The following LHCGR variants were observed in gnomAD, a reference collection of about 807,000 sequenced individuals.
The protein encoded by LHCGR is luteinizing hormone/choriogonadotropin receptor.
A neutral mutation model predicts 60.7 loss-of-function variants in LHCGR; 55 were observed. The ratio of observed to expected loss-of-function variants is 0.91; its 90% CI spans 0.73 to 1.13. The LOEUF (loss-of-function observed/expected upper bound fraction) is 1.13. Ranked by LOEUF, LHCGR falls within the 50% of genes most tolerant of loss-of-function variation. The pLI is 0.00. For missense variants in LHCGR, 862 were observed against 836.0 expected (o/e 1.03, Z -0.38); for synonymous variants, 337 against 316.5 (o/e 1.06, Z -0.69).
chr2:48,694,096 C>T lies in LHCGR; in HGVS notation c.947+128G>A, dbSNP rs547911459. The T allele has an allele frequency of 6.8e-4, 465 of 686,474 alleles. 5 individuals are homozygous for T. The highest frequency in any genetic ancestry group is 3.1e-3 in the South Asian group (190 of 60,900). 42.5% of individuals were successfully genotyped at this position (686,474 alleles called of 1,614,324 possible). A position where few individuals can be genotyped will look rare whatever the true frequency, so the allele number is the denominator to read the frequency against. On this transcript the variant is annotated intron_variant, in intron 10 of 10. Coordinates refer to ENST00000294954, the MANE Select transcript of LHCGR (RefSeq NM_000233.4). Reference sequence around the variant, plus strand: ...CAAAGAAAAAATTCCCATTTTAAAACTATTAAAAGTTGCTTTGCAACAGCT... The same window carrying T: ...CAAAGAAAAAATTCCCATTTTAAAATTATTAAAAGTTGCTTTGCAACAGCT...
intron 1 of LHCGR, among the ~76,000 whole-genome samples, chr2:48,752,997 T>A (rs960537848): frequency 5.4e-5 from 1 of 18,436 alleles, no homozygotes; most frequent in Non-Finnish European, 9.8e-5. Context: ...GGGGGGGGGG[T>A]GGGGAAGGGA....
intron 1 of LHCGR, 101 bp downstream of exon 1, chr2:48,755,410 C>T (rs1670161703): frequency 5.2e-6 from 4 of 772,122 alleles, no homozygotes; most frequent in Non-Finnish European, 8.2e-6. Flanking sequence ...TTTCTCCAAG[C>T]TTCCAGGGAA....
chr2:48,698,502 C>G (rs1667234171), intron 9 of LHCGR, 113 bp downstream of exon 9: 1 of 819,412 alleles, frequency 1.2e-6, no homozygotes, highest in Non-Finnish European at 2.1e-6. Context: ...GTCTACGGAG[C>G]TGGCCAAGAA....
At chr2:48,701,826 A>G (rs1234882305) in intron 8 of LHCGR, among the ~76,000 whole-genome samples, 1 of 152,252 alleles carries the variant, frequency 6.6e-6, no homozygotes, top group Non-Finnish European at 1.5e-5. Context: ...TAAACGGATG[A>G]ATAAACAAAC....
intron 2 of LHCGR, among the ~76,000 whole-genome samples, chr2:48,729,543 C>G (rs1668896460): frequency 6.6e-6 from 1 of 152,162 alleles, no homozygotes; most frequent in African/African-American, 2.4e-5. Context: ...TTGAGAAAAT[C>G]TAGTCAGATT....
intron 1 of LHCGR, among the ~76,000 whole-genome samples, chr2:48,732,724 G>A (rs554465424): frequency 6.6e-6 from 1 of 152,188 alleles, no homozygotes; most frequent in Admixed American, 6.5e-5. Flanking sequence ...GAGGAAGCAT[G>A]TCACATTCGC....
At position 48,688,530 on chromosome 2, in the gene LHCGR, T is replaced by C. The variant is rs1267084506; in HGVS notation, c.1267A>G (p.Lys423Glu). The change falls in exon 11 of 11, where the codon AAG (lysine) becomes GAG (glutamate). Residue 423 changes from lysine (K) to glutamate (E), a missense_variant. Coordinates refer to ENST00000294954, the MANE Select transcript of LHCGR (RefSeq NM_000233.4). This position sits in a 1 kb window ranked among gnomAD's most constrained non-coding sequence, Gnocchi z 5.2. ...LLIASVDSQTKGQYYNHAIDW... is the reference protein window; with the variant it reads ...LLIASVDSQTEGQYYNHAIDW... ...ATGGCATGGTTATAGTACTGGCCCT[T>C]GGTTTGGGAATCAACTGAGGCTATG... The C allele has an allele frequency of 6.2e-7, 1 of 1,614,134 alleles. No homozygotes were observed. Among genetic ancestry groups the C allele is most frequent in the South Asian group, 1.1e-5 (1 of 91,076 alleles).
chr2:48,748,133 C>A (rs1400778269), intron 1 of LHCGR, among the ~76,000 whole-genome samples: 3 of 152,174 alleles, frequency 2.0e-5, no homozygotes, highest in Non-Finnish European at 4.4e-5. Flanking sequence ...TGTTTATAAC[C>A]TTTATCTAGC....
intron 3 of LHCGR, among the ~76,000 whole-genome samples, chr2:48,725,992 G>A (rs1198925831): frequency 6.6e-6 from 1 of 152,114 alleles, no homozygotes; most frequent in Non-Finnish European, 1.5e-5. Context: ...AAGGATCAGA[G>A]CAGGGAGTCT....
chr2:48,752,764 G>A (rs1465892372), intron 1 of LHCGR, among the ~76,000 whole-genome samples: 1 of 151,700 alleles, frequency 6.6e-6, no homozygotes, highest in Non-Finnish European at 1.5e-5. Flanking sequence ...CATGTTGTTA[G>A]ACTGATGCTC....
At chr2:48,704,906 C>A (rs892219956) in intron 8 of LHCGR, among the ~76,000 whole-genome samples, 16 of 152,184 alleles carry the variant, frequency 1.1e-4, no homozygotes, top group Admixed American at 3.3e-4. Context: ...CTGCTCTGAT[C>A]CTAGTTATTT....
chr2:48,694,670 T>C (rs966148313), intron 9 of LHCGR, among the ~76,000 whole-genome samples: 2 of 152,196 alleles, frequency 1.3e-5, no homozygotes, highest in African/African-American at 4.8e-5. Flanking sequence ...CCTTAACAAA[T>C]AGTCATTCTG....
chr2:48,695,475 C>T (rs1667071009), intron 9 of LHCGR, among the ~76,000 whole-genome samples: 1 of 152,086 alleles, frequency 6.6e-6, no homozygotes, highest in Admixed American at 6.6e-5. Context: ...TTAGTTCATC[C>T]ACTGTGGAAA....
intron 1 of LHCGR, among the ~76,000 whole-genome samples, chr2:48,738,537 C>T (rs1669298136): frequency 6.6e-6 from 1 of 152,196 alleles, no homozygotes. Context: ...CCCCCTCAGC[C>T]AACCTATCTA....
chr2:48,739,217 C>A (rs1669328370), intron 1 of LHCGR, among the ~76,000 whole-genome samples: 1 of 152,314 alleles, frequency 6.6e-6, no homozygotes, highest in South Asian at 2.1e-4. Flanking sequence ...GTTGGTGGGA[C>A]TGTGAACTAG....
At position 48,747,611 on chromosome 2, in the gene LHCGR, T is replaced by C. The variant is rs138892693; in HGVS notation, c.161+7900A>G. Reference sequence around the variant, plus strand: ...GTCAGTCAGATTCTCTTTTTGGGAATTGGAAATTTATAAAAGAGGGACAGA... The same window carrying C: ...GTCAGTCAGATTCTCTTTTTGGGAACTGGAAATTTATAAAAGAGGGACAGA... On this transcript the variant is annotated intron_variant, in intron 1 of 10. Coordinates refer to ENST00000294954, the MANE Select transcript of LHCGR (RefSeq NM_000233.4). Among the ~76,000 whole-genome samples, 82 of 152,274 alleles carry C rather than the reference T, an allele frequency of 5.4e-4. No individual in the cohort carries two copies. The East Asian group carries it at 8.5e-3, about 16-fold the overall frequency.
At chr2:48,736,110 C>A (rs984330568) in intron 1 of LHCGR, among the ~76,000 whole-genome samples, 4 of 152,184 alleles carry the variant, frequency 2.6e-5, no homozygotes, top group Non-Finnish European at 5.9e-5. Flanking sequence ...GTACAGCCTG[C>A]AGAACTGTGA....
chr2:48,752,986 G>GGGGGGGGGGGGGGGGGGGT (rs1670039044), intron 1 of LHCGR, among the ~76,000 whole-genome samples: 1 of 63,854 alleles, frequency 1.6e-5, no homozygotes, highest in Non-Finnish European at 3.6e-5. Context: ...TTTGGCGGGG[G>GGGGGGGGGGGGGGGGGGGT]GGGGGGGGGG....
rs551730690 is a variant in LHCGR, at chr2:48,689,466, A to T, written c.948-617T>A. Among the ~76,000 whole-genome samples, 126 of 152,306 alleles carry T rather than the reference A, an allele frequency of 8.3e-4. 2 individuals are homozygous for T. The South Asian group carries it at 0.014, about 17-fold the overall frequency. On this transcript the variant is annotated intron_variant, in intron 10 of 10. Coordinates refer to ENST00000294954, the MANE Select transcript of LHCGR (RefSeq NM_000233.4). The stretch of plus-strand genomic sequence containing the variant: ...GCTACTGGTGGACTTGTTTGCACTT[A>T]AGTCCCTAGCTAATCAAATAGTCCA...
Sources: gnomAD v4.1 joint callset for allele counts (sites outside exome capture counted in the v4.1 genomes callset) on GRCh38, gnomAD v4.1.1 for gene constraint, Gnocchi (gnomAD v3.1) non-coding constraint, MANE v1.5 for transcripts, NCBI Gene and HGNC (gene_info 2026-07-23, HGNC 2026-07-21) for gene names.